Variants in IMMP2L observed in about 807,000 individuals in gnomAD.
The protein encoded by IMMP2L is mitochondrial inner membrane protease subunit 2.
A neutral mutation model predicts 19.3 loss-of-function variants in IMMP2L; 18 were observed. The observed-to-expected ratio is 0.93, with a 90% CI of 0.64 to 1.38. IMMP2L has a LOEUF of 1.38. IMMP2L is among the 40% of genes most tolerant of loss of function. The pLI is 0.00. For missense variants in IMMP2L, 233 were observed against 218.2 expected (o/e 1.07, Z -0.43); for synonymous variants, 76 against 73.0 (o/e 1.04, Z -0.21).
intron 5 of IMMP2L, among the ~76,000 whole-genome samples, chr7:110,686,785 C>T (rs1793145043): frequency 6.6e-6 from 1 of 152,000 alleles, no homozygotes; most frequent in South Asian, 2.1e-4. Context: ...ACACAGTAAC[C>T]TCAATACAAA....
chr7:110,725,345 AT>A (rs1415966150), intron 5 of IMMP2L, among the ~76,000 whole-genome samples: 1 of 152,138 alleles, frequency 6.6e-6, no homozygotes, highest in Non-Finnish European at 1.5e-5. Context: ...ATTTTGGTAA[AT>A]TTTGGCTTTT....
At chr7:111,316,541 AGG>A (rs1251254806) in intron 3 of IMMP2L, among the ~76,000 whole-genome samples, 7 of 152,126 alleles carry the variant, frequency 4.6e-5, no homozygotes, top group African/African-American at 4.8e-5. Context: ...CATTTTGAAG[AGG>A]GCTGCCGCTT....
At chr7:111,134,600 G>A (rs1222187770) in intron 3 of IMMP2L, among the ~76,000 whole-genome samples, 1 of 151,894 alleles carries the variant, frequency 6.6e-6, no homozygotes, top group Non-Finnish European at 1.5e-5. Context: ...ATAAAATTTG[G>A]AGATATTTTT....
At chr7:111,401,062 C>G (rs561537882) in intron 3 of IMMP2L, among the ~76,000 whole-genome samples, 1 of 152,038 alleles carries the variant, frequency 6.6e-6, no homozygotes, top group Non-Finnish European at 1.5e-5. Flanking sequence ...AGTAAGTTTA[C>G]TTTGGACAGA....
intron 5 of IMMP2L, among the ~76,000 whole-genome samples, chr7:110,804,074 C>T (rs1433314277): frequency 6.6e-6 from 1 of 152,030 alleles, no homozygotes; most frequent in Non-Finnish European, 1.5e-5. Context: ...CATCTAACTT[C>T]TTAATTGTGC....
At chr7:111,238,673 G>A (rs950276805) in intron 3 of IMMP2L, among the ~76,000 whole-genome samples, 1 of 151,980 alleles carries the variant, frequency 6.6e-6, no homozygotes, top group African/African-American at 2.4e-5. Flanking sequence ...CATGAGGATA[G>A]CTGTTATGAC....
At chr7:111,416,181 A>T (rs1318878213) in intron 3 of IMMP2L, among the ~76,000 whole-genome samples, 1 of 151,890 alleles carries the variant, frequency 6.6e-6, no homozygotes, top group African/African-American at 2.4e-5. Context: ...CAGCTATCCC[A>T]TTAAAGTACA....
intron 3 of IMMP2L, among the ~76,000 whole-genome samples, chr7:111,353,333 T>G (rs1247380657): frequency 6.6e-6 from 1 of 152,190 alleles, no homozygotes; most frequent in Admixed American, 6.6e-5. Flanking sequence ...TCCTGAACCT[T>G]GTTTCAACTC....
intron 4 of IMMP2L, among the ~76,000 whole-genome samples, chr7:110,955,056 A>G (rs1818225893): frequency 6.6e-6 from 1 of 152,070 alleles, no homozygotes; most frequent in South Asian, 2.1e-4. Flanking sequence ...TTTCACATTT[A>G]TTAATCTTGA....
intron 4 of IMMP2L, among the ~76,000 whole-genome samples, chr7:110,916,729 T>G (rs1232391553): frequency 1.3e-5 from 2 of 152,238 alleles, no homozygotes; most frequent in African/African-American, 4.8e-5. Context: ...ATCATCAACT[T>G]GCTAATTTTA....
chr7:110,989,786 A>G (rs191671379), intron 3 of IMMP2L, among the ~76,000 whole-genome samples: 1 of 151,910 alleles, frequency 6.6e-6, no homozygotes, highest in African/African-American at 2.4e-5. Context: ...CACATATCTG[A>G]TGGGCAAATG....
intron 3 of IMMP2L, among the ~76,000 whole-genome samples, chr7:111,382,373 T>C (rs1831283099): frequency 6.6e-6 from 1 of 151,942 alleles, no homozygotes; most frequent in Non-Finnish European, 1.5e-5. Context: ...TCAAAAAGTA[T>C]TTGGCAAGTC....
At chr7:111,342,095 A>T (rs1247642804) in intron 3 of IMMP2L, among the ~76,000 whole-genome samples, 2 of 152,186 alleles carry the variant, frequency 1.3e-5, no homozygotes, top group Non-Finnish European at 2.9e-5. Context: ...AAGAACTTTA[A>T]GTAACCAAAA....
At chr7:110,996,951 G>A (rs930113697) in intron 3 of IMMP2L, among the ~76,000 whole-genome samples, 2 of 152,008 alleles carry the variant, frequency 1.3e-5, no homozygotes, top group Non-Finnish European at 2.9e-5. Context: ...TATTACAAGT[G>A]TAGATTCATG....
chr7:111,122,723 G>T, intron 3 of IMMP2L: 1 of 1,438,968 alleles, frequency 6.9e-7, no homozygotes, highest in South Asian at 1.3e-5. Context: ...TACTAGCACT[G>T]ACTGTGGAAT....
chr7:111,125,564 C>G (rs936852259), intron 3 of IMMP2L: 4 of 160,394 alleles, frequency 2.5e-5, no homozygotes, highest in African/African-American at 9.7e-5. Context: ...ATGGGACTAC[C>G]TACATTTTTA....
At chr7:111,141,905 T>A (rs1802940168) in intron 3 of IMMP2L, among the ~76,000 whole-genome samples, 1 of 152,184 alleles carries the variant, frequency 6.6e-6, no homozygotes, top group Non-Finnish European at 1.5e-5. Flanking sequence ...GGTCTCACTA[T>A]GTTGCCCAGG....
At chr7:111,306,362 T>A (rs1365133822) in intron 3 of IMMP2L, among the ~76,000 whole-genome samples, 1 of 152,002 alleles carries the variant, frequency 6.6e-6, no homozygotes, top group Non-Finnish European at 1.5e-5. Flanking sequence ...ACCAGTTTGG[T>A]GGGGGATACT....
chr7:110,999,250 A>G (rs1247186978), intron 3 of IMMP2L, among the ~76,000 whole-genome samples: 1 of 149,712 alleles, frequency 6.7e-6, no homozygotes, highest in East Asian at 2.0e-4. Context: ...AATGACAAAT[A>G]TCCTTCTTCA....
Sources: gnomAD v4.1 joint callset for allele counts (sites outside exome capture counted in the v4.1 genomes callset) on GRCh38, gnomAD v4.1.1 for gene constraint, MANE v1.5 for transcripts, NCBI Gene and HGNC (gene_info 2026-07-23, HGNC 2026-07-21) for gene names.